MSRA: variants seen among roughly 807,000 people sequenced by gnomAD.
The protein encoded by MSRA is mitochondrial peptide methionine sulfoxide reductase.
Under a neutral mutation model 31.3 loss-of-function variants are expected in MSRA, and 54 were observed. The ratio of observed to expected loss-of-function variants is 1.73; its 90% CI spans 1.39 to 2.17. The LOEUF (loss-of-function observed/expected upper bound fraction) is 2.17. MSRA is among the 30% of genes most tolerant of loss of function. MSRA has a pLI of 0.00. For missense variants in MSRA, 507 were observed against 300.9 expected (o/e 1.69, Z -5.07); for synonymous variants, 169 against 116.5 (o/e 1.45, Z -2.90).
chr8:10,130,640 A>G (rs1801830448), intron 1 of MSRA, among the ~76,000 whole-genome samples: 1 of 152,206 alleles, frequency 6.6e-6, no homozygotes, highest in African/African-American at 2.4e-5. Context: ...CGCACATACA[A>G]AGCGATTTTG....
chr8:10,293,437 TGTGACTGCTCAGGC>T (rs1301814992), intron 3 of MSRA, among the ~76,000 whole-genome samples: 5 of 152,216 alleles, frequency 3.3e-5, no homozygotes, highest in African/African-American at 1.2e-4. Context: ...CCGGTATGCG[TGTGACTGCTCAGGC>T]GTGACTGCTT....
At chr8:10,148,591 G>A (rs1803369140) in intron 1 of MSRA, among the ~76,000 whole-genome samples, 1 of 151,354 alleles carries the variant, frequency 6.6e-6, no homozygotes, top group African/African-American at 2.4e-5. Context: ...AGGTTGCAGT[G>A]AACTGAGATC....
chr8:10,363,860 A>C (rs1805006094), intron 5 of MSRA, among the ~76,000 whole-genome samples: 1 of 151,688 alleles, frequency 6.6e-6, no homozygotes, highest in African/African-American at 2.4e-5. Flanking sequence ...TGAGTCTGGG[A>C]GGTTGAGGCT....
At chr8:10,371,706 G>A (rs180833023) in intron 5 of MSRA, among the ~76,000 whole-genome samples, 8 of 152,238 alleles carry the variant, frequency 5.3e-5, no homozygotes, top group Non-Finnish European at 1.0e-4. Flanking sequence ...CTCTGTGCCT[G>A]CCTTCTTTGT....
At chr8:10,390,817 TA>T (rs924905738) in intron 5 of MSRA, among the ~76,000 whole-genome samples, 1 of 150,850 alleles carries the variant, frequency 6.6e-6, no homozygotes, top group Non-Finnish European at 1.5e-5. Context: ...CTACTAAAAA[TA>T]AAAAAAAATT....
At chr8:10,353,034 A>G (rs900051094) in intron 5 of MSRA, among the ~76,000 whole-genome samples, 3 of 151,638 alleles carry the variant, frequency 2.0e-5, no homozygotes, top group East Asian at 3.9e-4. Context: ...GCCTGATACC[A>G]TCTTCGTTTG....
At chr8:10,321,225 A>G (rs555497285) in intron 5 of MSRA, among the ~76,000 whole-genome samples, 2 of 152,262 alleles carry the variant, frequency 1.3e-5, no homozygotes, top group African/African-American at 4.8e-5. Context: ...TTTATTTATC[A>G]TTATATTTTC....
At chr8:10,225,179 C>T (rs866660730) in intron 2 of MSRA, among the ~76,000 whole-genome samples, 23 of 152,180 alleles carry the variant, frequency 1.5e-4, no homozygotes, top group African/African-American at 5.3e-4. Context: ...TCTCACCCAA[C>T]CTGTGTTGAG....
intron 5 of MSRA, among the ~76,000 whole-genome samples, chr8:10,369,368 T>C (rs1805353041): frequency 1.3e-5 from 2 of 152,098 alleles, no homozygotes; most frequent in Admixed American, 6.5e-5. Flanking sequence ...GCCCCCCTAA[T>C]GGTTGAGTGC....
chr8:10,387,551 C>T (rs2129177608), intron 5 of MSRA, among the ~76,000 whole-genome samples: 1 of 152,226 alleles, frequency 6.6e-6, no homozygotes, highest in African/African-American at 2.4e-5. Flanking sequence ...AATGAATGAG[C>T]CCAAAGAACA....
chr8:10,408,217 A>T (rs1807939840), intron 5 of MSRA, among the ~76,000 whole-genome samples: 1 of 152,116 alleles, frequency 6.6e-6, no homozygotes, highest in Non-Finnish European at 1.5e-5. Flanking sequence ...CACCACTCTG[A>T]CTTTACATCT....
intron 1 of MSRA, among the ~76,000 whole-genome samples, chr8:10,072,025 G>C (rs561693216): frequency 2.8e-4 from 42 of 152,128 alleles, no homozygotes; most frequent in Non-Finnish European, 5.1e-4. Flanking sequence ...CACCCCTTTT[G>C]TACTGCAACT....
chr8:10,372,929 C>T (rs938859467), intron 5 of MSRA, among the ~76,000 whole-genome samples: 1 of 152,228 alleles, frequency 6.6e-6, no homozygotes, highest in African/African-American at 2.4e-5. Flanking sequence ...TGCTCTGTCA[C>T]CCAGGATGGA....
intron 1 of MSRA, among the ~76,000 whole-genome samples, chr8:10,125,293 G>C (rs1314789767): frequency 2.0e-5 from 3 of 152,208 alleles, no homozygotes; most frequent in Admixed American, 2.0e-4. Flanking sequence ...ATATGACTAA[G>C]GCTTGGGGAG....
At chr8:10,070,854 G>C (rs1052977738) in intron 1 of MSRA, among the ~76,000 whole-genome samples, 1 of 152,162 alleles carries the variant, frequency 6.6e-6, no homozygotes, top group Non-Finnish European at 1.5e-5. Flanking sequence ...TCATTACAGA[G>C]TATTATTACT....
At chr8:10,102,374 C>G (rs1426275359) in intron 1 of MSRA, among the ~76,000 whole-genome samples, 1 of 151,988 alleles carries the variant, frequency 6.6e-6, no homozygotes, top group Non-Finnish European at 1.5e-5. Flanking sequence ...TTGTTCTTAC[C>G]TTCAGATTCA....
chr8:10,274,112 C>G (rs778945248), intron 3 of MSRA, among the ~76,000 whole-genome samples: 7 of 152,174 alleles, frequency 4.6e-5, no homozygotes, highest in Non-Finnish European at 1.0e-4. Context: ...ACGCAATTTA[C>G]AAGGCCCAGT....
At chr8:10,297,182 G>C (rs1483827916) in intron 3 of MSRA, among the ~76,000 whole-genome samples, 1 of 152,134 alleles carries the variant, frequency 6.6e-6, no homozygotes, top group African/African-American at 2.4e-5. Flanking sequence ...GGTCATGCTT[G>C]TATGTCTCTT....
intron 1 of MSRA, among the ~76,000 whole-genome samples, chr8:10,174,861 C>T (rs1048632538): frequency 3.9e-5 from 6 of 152,158 alleles, no homozygotes; most frequent in South Asian, 4.1e-4. Context: ...CTTCAAATGG[C>T]ATTTTATTCT....
Sources: gnomAD v4.1 joint callset for allele counts (sites outside exome capture counted in the v4.1 genomes callset) on GRCh38, gnomAD v4.1.1 for gene constraint, MANE v1.5 for transcripts, NCBI Gene and HGNC (gene_info 2026-07-23, HGNC 2026-07-21) for gene names.